Variants in DSTYK observed in about 807,000 individuals in gnomAD.
The protein encoded by DSTYK is RIP-homologous kinase.
In DSTYK, 34 loss-of-function variants were observed where a neutral mutation model predicts 98.7. That is an observed-to-expected ratio of 0.34 (90% CI 0.26 to 0.46). The LOEUF is 0.46. Ranked by LOEUF, DSTYK falls within the 20% of genes least tolerant of loss-of-function variation. The pLI is 1.00. For synonymous variants in DSTYK, 462 were observed against 457.3 expected (o/e 1.01, Z -0.13); for missense variants, 962 against 1,181.7 (o/e 0.81, Z 2.73).
chr1:205,163,702 T>G, intron 4 of DSTYK, 21 bp downstream of exon 4: 1 of 1,596,590 alleles, frequency 6.3e-7, no homozygotes, highest in South Asian at 1.1e-5. Context: ...CACGATGTCT[T>G]AAAAATCATT....
intron 12 of DSTYK, 44 bp from the exon 13 acceptor site, chr1:205,147,789 C>G (rs1179494853): frequency 1.3e-6 from 2 of 1,591,286 alleles, no homozygotes; most frequent in African/African-American, 2.7e-5. Context: ...GAGAGGGACC[C>G]AGCACAACAA....
chr1:205,157,514 C>T, intron 9 of DSTYK, 128 bp from the exon 10 acceptor site: 1 of 665,316 alleles, frequency 1.5e-6, no homozygotes, highest in Non-Finnish European at 2.6e-6. Flanking sequence ...GTGGCTCATG[C>T]CTGTAACCCC....
chr1:205,207,670 C>A (rs1659244060), intron 1 of DSTYK, among the ~76,000 whole-genome samples: 1 of 129,448 alleles, frequency 7.7e-6, no homozygotes, highest in African/African-American at 3.0e-5. Context: ...GCAGGAGAAT[C>A]ACGTGAACAT....
At position 205,162,028 on chromosome 1, in the gene DSTYK, A is replaced by G. The variant is rs1182471147; in HGVS notation, c.1818+8T>C. 2.5e-6 allele frequency: 4 copies of G among 1,611,984 alleles called. No individual in the cohort carries two copies. The highest frequency in any genetic ancestry group is 3.4e-6 in the Non-Finnish European group (4 of 1,178,616). ...GATCCAGCTGTATCTCCTTTCCTAC[A>G]TACCAACCTGCCGCAAGGAGGCTGC... is the stretch of plus-strand genomic sequence containing the variant. On this transcript the variant is annotated splice_region_variant and intron_variant, in intron 6 of 12. Transcript: ENST00000367162.
At chr1:205,207,661 CAGG>C (rs1178514723) in intron 1 of DSTYK, among the ~76,000 whole-genome samples, 1 of 138,136 alleles carries the variant, frequency 7.2e-6, no homozygotes, top group Non-Finnish European at 1.5e-5. Flanking sequence ...GACGCTGAAG[CAGG>C]AGAATCACGT....
At chr1:205,163,037 C>A (rs1344673692) in intron 4 of DSTYK, 31 bp from the exon 5 acceptor site, 1 of 1,554,782 alleles carries the variant, frequency 6.4e-7, no homozygotes, top group Non-Finnish European at 8.9e-7. Context: ...GAAAACATGT[C>A]CTCAGTAGTG....
chr1:205,164,047 T>C (rs1237561894), intron 3 of DSTYK, 92 bp from the exon 4 acceptor site: 12 of 1,031,802 alleles, frequency 1.2e-5, no homozygotes, highest in Non-Finnish European at 1.8e-5. Flanking sequence ...ACCATGGAAC[T>C]ACCGTGATGA....
chr1:205,187,951 A>G (rs1439558832), intron 1 of DSTYK, 145 bp from the exon 2 acceptor site: 2 of 780,030 alleles, frequency 2.6e-6, no homozygotes, highest in Non-Finnish European at 4.0e-6. Flanking sequence ...GTTGAAGGAC[A>G]TATCAGGGAA....
intron 1 of DSTYK, among the ~76,000 whole-genome samples, chr1:205,190,176 ATTTG>A (rs1349928685): frequency 6.6e-6 from 1 of 152,190 alleles, no homozygotes; most frequent in African/African-American, 2.4e-5. Flanking sequence ...AATGTCATAG[ATTTG>A]TTTGTTTTGT....
chr1:205,206,649 C>T (rs1659212596), intron 1 of DSTYK, among the ~76,000 whole-genome samples: 2 of 147,330 alleles, frequency 1.4e-5, no homozygotes, highest in Non-Finnish European at 3.0e-5. Flanking sequence ...GTGGGGCAAT[C>T]TCGACTCACT....
At chr1:205,191,136 A>C (rs1658701672) in intron 1 of DSTYK, among the ~76,000 whole-genome samples, 1 of 152,254 alleles carries the variant, frequency 6.6e-6, no homozygotes, top group South Asian at 2.1e-4. Context: ...ACCAAAGACC[A>C]GCGCAGTAGG....
rs575812857 is a variant in DSTYK, at chr1:205,190,486, C to A, written c.266-2680G>T. On this transcript the variant is annotated intron_variant, in intron 1 of 12. Transcript: ENST00000367162. Reference sequence around the variant, plus strand: ...TTAAAAATACAAAAAATCAGCTGGGCGTGGTGGTAATCCCAGCTACTCGGG... The same window carrying A: ...TTAAAAATACAAAAAATCAGCTGGGAGTGGTGGTAATCCCAGCTACTCGGG... Among the ~76,000 whole-genome samples, 26 of 151,882 alleles carry A rather than the reference C, an allele frequency of 1.7e-4. 1 individual carries two copies. In the South Asian group the frequency reaches 5.4e-3, roughly 32 times the overall value.
At chr1:205,182,782 G>A (rs1335073948) in intron 2 of DSTYK, among the ~76,000 whole-genome samples, 5 of 151,408 alleles carry the variant, frequency 3.3e-5, no homozygotes, top group Admixed American at 2.6e-4. Context: ...TTCCAGCCCG[G>A]GTGACAAGAG....
Position 205,159,686 on chromosome 1 carries a change from G to A in DSTYK, c.2106-7C>T, listed in dbSNP as rs919938431. 6.8e-5 allele frequency: 109 copies of A among 1,612,824 alleles called. No individual in the cohort carries two copies. Among genetic ancestry groups the A allele is most frequent in the Non-Finnish European group, 8.9e-5 (105 of 1,179,950 alleles). Reference sequence around the variant, plus strand: ...CTCATGCTTCGGCAGAGACCTGGAGGGAAGGAGAGAGATCTGGGCTACAAG... The same window carrying A: ...CTCATGCTTCGGCAGAGACCTGGAGAGAAGGAGAGAGATCTGGGCTACAAG... On this transcript the variant is annotated splice_polypyrimidine_tract_variant and splice_region_variant and intron_variant, in intron 8 of 12. Coordinates refer to ENST00000367162, the MANE Select transcript of DSTYK (RefSeq NM_015375.3).
intron 1 of DSTYK, among the ~76,000 whole-genome samples, chr1:205,200,305 T>A (rs1658990227): frequency 6.6e-6 from 1 of 152,102 alleles, no homozygotes; most frequent in South Asian, 2.1e-4. Context: ...CCCAAAGTGC[T>A]GGGATTATAG....
chr1:205,172,023 T>C (rs1020410575), intron 2 of DSTYK, among the ~76,000 whole-genome samples: 1 of 152,218 alleles, frequency 6.6e-6, no homozygotes, highest in Admixed American at 6.5e-5. Flanking sequence ...TGGCACGAGC[T>C]CGGCTCACTG....
At chr1:205,211,250 C>T in intron 1 of DSTYK, 21 bp downstream of exon 1, 4 of 1,586,098 alleles carry the variant, frequency 2.5e-6, no homozygotes, top group Admixed American at 1.7e-5. Context: ...GCCCTCTCTC[C>T]CTCCGGGCTG....
intron 10 of DSTYK, among the ~76,000 whole-genome samples, chr1:205,156,444 A>C (rs1657563511): frequency 6.6e-6 from 1 of 152,224 alleles, no homozygotes; most frequent in Non-Finnish European, 1.5e-5. Context: ...CCTGGATGTA[A>C]GACATGGAGT....
At position 205,211,487 on chromosome 1, in the gene DSTYK, C is replaced by G. The variant is rs1379838726; in HGVS notation, c.49G>C (p.Gly17Arg). ...CGGATCATTCCGCCGCCGCCGGGGC[C>G]GGGACCCGAGACGGGCTCGCTGCCC... is the stretch of plus-strand genomic sequence containing the variant. ...PWGSEPVSGP[G>R]PGGGGMIREL... The change falls in exon 1 of 13, where the codon GGC becomes CGC. Residue 17 changes from glycine (G) to arginine (R), a missense_variant. Gly to Arg is a moderately radical substitution (Grantham distance 125). This residue lies in a region of DSTYK where 168 missense variants were observed against 120.0 expected (regional missense o/e 1.40). Coordinates refer to ENST00000367162, the MANE Select transcript of DSTYK (RefSeq NM_015375.3). 2 of 1,582,490 alleles carry G rather than the reference C, an allele frequency of 1.3e-6. No individual in the cohort carries two copies. The highest frequency in any genetic ancestry group is 1.7e-5 in the Admixed American group (1 of 57,916).
Sources: allele counts gnomAD v4.1 joint callset (sites outside exome capture counted in the v4.1 genomes callset), GRCh38; gene constraint gnomAD v4.1.1; regional missense constraint gnomAD v4.1.1; transcripts MANE v1.5; gene names NCBI Gene and HGNC (gene_info 2026-07-23, HGNC 2026-07-21).